The following VPS37A variants were observed in gnomAD, a reference collection of about 807,000 sequenced individuals.
VPS37A encodes VPS37A subunit of ESCRT-I.
VPS37A carries 30 observed loss-of-function variants against 49.8 expected under a neutral mutation model. That is an observed-to-expected ratio of 0.60 (90% CI 0.45 to 0.82). The LOEUF (loss-of-function observed/expected upper bound fraction) is 0.82. Ranked by LOEUF, VPS37A falls within the 40% of genes least tolerant of loss-of-function variation. The probability of loss-of-function intolerance (pLI) is 0.00; values close to 1 mark genes in which losing one functional copy is unlikely to be tolerated. For missense variants in VPS37A, 593 were observed against 464.4 expected (o/e 1.28, Z -2.55); for synonymous variants, 195 against 160.6 (o/e 1.21, Z -1.62).
downstream of VPS37A, among the ~76,000 whole-genome samples, chr8:17,301,414 G>A (rs1817104307): frequency 6.6e-6 from 1 of 152,182 alleles, no homozygotes; most frequent in South Asian, 2.1e-4. Context: ...CCTGACAGGA[G>A]TAGGGACAGT....
At position 17,266,134 on chromosome 8, in the gene VPS37A, G is replaced by A. The variant is rs538522140; in HGVS notation, c.200+153G>A. Among the ~76,000 whole-genome samples the A allele has an allele frequency of 1.4e-4, 21 of 152,112 alleles. No homozygotes were observed. In the East Asian group the frequency reaches 3.7e-3, roughly 27 times the overall value. On this transcript the variant is annotated intron_variant, in intron 2 of 11. Transcript: ENST00000324849. ...ACAATTCAGTGAAATAAAAATATTC[G>A]AAAGCTATCACTGTTATAGTGTTAT...
intron 1 of VPS37A, among the ~76,000 whole-genome samples, chr8:17,255,903 T>G (rs1812404726): frequency 6.6e-6 from 1 of 152,234 alleles, no homozygotes; most frequent in South Asian, 2.1e-4. Context: ...TATTCTGTTG[T>G]GTATTATGCC....
intron 4 of VPS37A, 34 bp from the exon 5 acceptor site, chr8:17,274,699 A>C: frequency 1.3e-6 from 2 of 1,545,268 alleles, no homozygotes; most frequent in Non-Finnish European, 1.8e-6. Flanking sequence ...TATCCATAAA[A>C]TCTAATGTAA....
At chr8:17,255,153 C>A (rs1253648389) in intron 1 of VPS37A, among the ~76,000 whole-genome samples, 3 of 152,130 alleles carry the variant, frequency 2.0e-5, no homozygotes, top group Non-Finnish European at 4.4e-5. Flanking sequence ...CTTATGAAAT[C>A]AAACTAAATA....
At chr8:17,294,559 C>T (rs555101042) in intron 11 of VPS37A, among the ~76,000 whole-genome samples, 40 of 152,294 alleles carry the variant, frequency 2.6e-4, no homozygotes, top group African/African-American at 9.6e-4. Flanking sequence ...GGTTGAAACC[C>T]GGGCCCCTGG....
At chr8:17,317,876 T>C in the VPS37A span, among the ~76,000 whole-genome samples, 1 of 152,206 alleles carries the variant, frequency 6.6e-6, no homozygotes, top group South Asian at 2.1e-4. Flanking sequence ...TTCCATGACC[T>C]CCTCTTTCAA....
chr8:17,314,563 C>G, the VPS37A span, among the ~76,000 whole-genome samples: 2 of 152,146 alleles, frequency 1.3e-5, no homozygotes, highest in African/African-American at 4.8e-5. Context: ...TGCCCTGCCT[C>G]CAAGAATGCA....
At chr8:17,311,304 A>G in the VPS37A span, among the ~76,000 whole-genome samples, 1 of 152,186 alleles carries the variant, frequency 6.6e-6, no homozygotes, top group Non-Finnish European at 1.5e-5. Context: ...TGGTTTCAAT[A>G]TCCCAGAAAT....
downstream of VPS37A, among the ~76,000 whole-genome samples, chr8:17,305,489 A>G (rs1405400173): frequency 6.6e-6 from 1 of 152,184 alleles, no homozygotes; most frequent in Non-Finnish European, 1.5e-5. Flanking sequence ...TGACTCCAGA[A>G]AATTCCCTTT....
chr8:17,252,566 C>T (rs560642017), intron 1 of VPS37A, among the ~76,000 whole-genome samples: 4 of 152,308 alleles, frequency 2.6e-5, no homozygotes, highest in East Asian at 3.9e-4. Context: ...CCTATGTCCC[C>T]TGTCGTCTCT....
At chr8:17,320,948 G>T in the VPS37A span, among the ~76,000 whole-genome samples, 1 of 152,126 alleles carries the variant, frequency 6.6e-6, no homozygotes, top group Non-Finnish European at 1.5e-5. Flanking sequence ...TGAAGTCTCA[G>T]GATGCAATTG....
chr8:17,281,391 A>G (rs888466051), intron 9 of VPS37A, among the ~76,000 whole-genome samples: 4 of 152,186 alleles, frequency 2.6e-5, no homozygotes, highest in Admixed American at 1.3e-4. Context: ...GTGAGACTCA[A>G]CTGAAGTACT....
chr8:17,332,869 T>C, the VPS37A span, among the ~76,000 whole-genome samples: 41 of 152,120 alleles, frequency 2.7e-4, no homozygotes, highest in Middle Eastern at 3.2e-3. Flanking sequence ...TAAAAATGTA[T>C]AGAAAACGGT....
the VPS37A span, among the ~76,000 whole-genome samples, chr8:17,323,419 A>G: frequency 6.6e-6 from 1 of 152,122 alleles, no homozygotes; most frequent in Non-Finnish European, 1.5e-5. Flanking sequence ...AACAGGAACC[A>G]AACTGAAGGT....
At chr8:17,322,049 T>A in the VPS37A span, among the ~76,000 whole-genome samples, 1 of 152,172 alleles carries the variant, frequency 6.6e-6, no homozygotes, top group Admixed American at 6.5e-5. Flanking sequence ...CCTGTGGGGT[T>A]GGTCTTTCTT....
the VPS37A span, among the ~76,000 whole-genome samples, chr8:17,332,563 T>C: frequency 1.3e-5 from 2 of 152,142 alleles, no homozygotes; most frequent in Admixed American, 6.5e-5. Flanking sequence ...CCATTGGAAG[T>C]TGAAAATGCC....
intron 9 of VPS37A, among the ~76,000 whole-genome samples, chr8:17,284,203 G>A (rs552590868): frequency 2.0e-5 from 3 of 152,252 alleles, no homozygotes; most frequent in Middle Eastern, 3.4e-3. Context: ...GATTTAATTC[G>A]TAAATCCTTA....
At chr8:17,248,482 G>A (rs2151030821) in intron 1 of VPS37A, 1 of 421,314 alleles carries the variant, frequency 2.4e-6, no homozygotes, top group Non-Finnish European at 4.8e-6. Context: ...CACCACATTG[G>A]TCAGGCTGGT....
Position 17,247,311 on chromosome 8 carries a change from A to G in VPS37A, c.67A>G (p.Thr23Ala), listed in dbSNP as rs1376719980. The change falls in exon 1 of 12, where the codon ACC becomes GCC. Residue 23 changes from threonine (T) to alanine (A), a missense_variant. Transcript: ENST00000324849. ...CGCGGCTGGGTCCCCCGGTGGCCTC[A>G]CCAGCCTCCAGCAGCAGAAGCAGCG... ...SSAAGSPGGL[T>A]SLQQQKQRLI... The G allele has an allele frequency of 3.2e-6, 5 of 1,547,436 alleles. No individual in the cohort carries two copies. Among genetic ancestry groups the G allele is most frequent in the Non-Finnish European group, 4.4e-6 (5 of 1,145,260 alleles).
Sources: gnomAD v4.1 joint callset for allele counts (sites outside exome capture counted in the v4.1 genomes callset) on GRCh38, gnomAD v4.1.1 for gene constraint, MANE v1.5 for transcripts, NCBI Gene and HGNC (gene_info 2026-07-23, HGNC 2026-07-21) for gene names.